Variants in TRPM3 observed in about 807,000 individuals in gnomAD.
TRPM3 encodes transient receptor potential cation channel subfamily M member 3.
Under a neutral mutation model 181.2 loss-of-function variants are expected in TRPM3, and 77 were observed. The ratio of observed to expected loss-of-function variants is 0.42; its 90% CI spans 0.35 to 0.51. The LOEUF (loss-of-function observed/expected upper bound fraction) is 0.51, where lower values mean the gene tolerates loss of function less well. Among genes scored for constraint, TRPM3 ranks in the 20% least tolerant of loss-of-function variants. The pLI, the probability that TRPM3 is intolerant of heterozygous loss-of-function variation, is 0.01. For missense variants in TRPM3, 1,759 were observed against 2,196.7 expected (o/e 0.80, Z 3.98); for synonymous variants, 745 against 796.4 (o/e 0.94, Z 1.09).
intron 1 of TRPM3, among the ~76,000 whole-genome samples, chr9:71,211,901 C>A (rs886084710): frequency 6.6e-6 from 1 of 152,136 alleles, no homozygotes; most frequent in Admixed American, 6.6e-5. Context: ...AGACACACTT[C>A]AACCCATAAC....
rs924158207 is a variant in TRPM3, at chr9:70,536,429, A to G, written c.4684T>C (p.Cys1562Arg). The G allele has an allele frequency of 1.9e-6, 3 of 1,614,092 alleles. No homozygotes were observed. The African/African-American group carries it at 4.0e-5, about 22-fold the overall frequency. ...KTAEYTSITD[C>R]IDTRCVNAPQ... ...GCATTGACACACCTTGTGTCAATAC[A>G]GTCTGTAATACTTGTGTATTCTGCT... The change falls in exon 26 of 26, where the codon TGT becomes CGT. Residue 1562 changes from cysteine to arginine, a missense_variant. Physicochemically the swap from Cys to Arg is radical, Grantham distance 180. Transcript: ENST00000677713.
At position 70,894,936 on chromosome 9, in the gene TRPM3, G is replaced by A. The variant is rs552296985; in HGVS notation, c.178-30425C>T. ...TAGAAAATGGGAAAAAAGTTTTGCC[G>A]TCAGACAACTTTGGCTTGAATGCTG... On this transcript the variant is annotated intron_variant, in intron 1 of 25. Transcript: ENST00000677713. Among the ~76,000 whole-genome samples the A allele has an allele frequency of 3.5e-4, 53 of 152,276 alleles. 1 individual carries two copies. The South Asian group carries it at 9.5e-3, about 27-fold the overall frequency.
intron 1 of TRPM3, among the ~76,000 whole-genome samples, chr9:71,096,559 T>TGC (rs2067240166): frequency 2.4e-5 from 1 of 42,372 alleles, no homozygotes; most frequent in African/African-American, 1.2e-4. Flanking sequence ...TGTGAGCGCA[T>TGC]GCACACACAC....
intron 1 of TRPM3, among the ~76,000 whole-genome samples, chr9:71,049,138 T>C (rs2059787047): frequency 6.6e-6 from 1 of 152,168 alleles, no homozygotes; most frequent in Non-Finnish European, 1.5e-5. Flanking sequence ...CTCTATCATC[T>C]TAGGTACAGT....
chr9:70,696,745 T>C (rs1202326053), intron 8 of TRPM3, among the ~76,000 whole-genome samples: 1 of 152,232 alleles, frequency 6.6e-6, no homozygotes, highest in East Asian at 1.9e-4. Flanking sequence ...TACGAGATTA[T>C]ATTTTAACAT....
intron 1 of TRPM3, among the ~76,000 whole-genome samples, chr9:71,233,903 G>C (rs2081214840): frequency 6.6e-6 from 1 of 152,158 alleles, no homozygotes; most frequent in East Asian, 1.9e-4. Context: ...AGAAGGACTG[G>C]AACTATTTTG....
intron 6 of TRPM3, among the ~76,000 whole-genome samples, chr9:70,812,707 C>A (rs1469549973): frequency 6.6e-6 from 1 of 152,168 alleles, no homozygotes; most frequent in Non-Finnish European, 1.5e-5. Context: ...CCAAGCACAA[C>A]ATTGGCTTAG....
intron 6 of TRPM3, among the ~76,000 whole-genome samples, chr9:70,817,530 C>T (rs1310342617): frequency 6.6e-6 from 1 of 152,172 alleles, no homozygotes; most frequent in Non-Finnish European, 1.5e-5. Context: ...GAACCTGTGT[C>T]CTAACTAAGG....
chr9:70,931,278 A>G (rs1241098155), intron 1 of TRPM3, among the ~76,000 whole-genome samples: 1 of 152,174 alleles, frequency 6.6e-6, no homozygotes, highest in East Asian at 1.9e-4. Flanking sequence ...AGAAAATGCA[A>G]GAGTAAATTT....
chr9:71,058,428 G>T (rs1281681610), intron 1 of TRPM3, among the ~76,000 whole-genome samples: 2 of 152,006 alleles, frequency 1.3e-5, no homozygotes, highest in African/African-American at 4.8e-5. Flanking sequence ...TAATCAAATG[G>T]ATACAGTGCT....
intron 1 of TRPM3, among the ~76,000 whole-genome samples, chr9:71,061,105 G>A (rs1347086253): frequency 2.0e-5 from 3 of 152,032 alleles, no homozygotes; most frequent in Non-Finnish European, 4.4e-5. Context: ...ACTCAGCCAG[G>A]TGCCGTGTAC....
intron 1 of TRPM3, among the ~76,000 whole-genome samples, chr9:71,295,291 A>G (rs1201585361): frequency 6.6e-6 from 1 of 152,162 alleles, no homozygotes; most frequent in Non-Finnish European, 1.5e-5. Flanking sequence ...TGTGAATAGA[A>G]ATTAAAAATT....
chr9:71,067,202 C>T (rs554919648), intron 1 of TRPM3, among the ~76,000 whole-genome samples: 37 of 150,946 alleles, frequency 2.5e-4, no homozygotes, highest in Non-Finnish European at 4.3e-4. Context: ...GTTCCTTACA[C>T]TGTGTATAGT....
intron 8 of TRPM3, among the ~76,000 whole-genome samples, chr9:70,696,359 C>T (rs111776445): frequency 3.7e-4 from 57 of 152,296 alleles, no homozygotes; most frequent in African/African-American, 1.1e-3. Flanking sequence ...ATCCGGAGAC[C>T]GATCAGGTTT....
chr9:70,853,672 A>G (rs117767094), intron 3 of TRPM3, among the ~76,000 whole-genome samples: 1,816 of 152,324 alleles, frequency 0.012, 24 homozygotes, highest in Non-Finnish European at 0.018. Flanking sequence ...ACACAAAGGA[A>G]CATTTGGTTA....
Position 70,827,994 on chromosome 9 carries a change from A to G in TRPM3, c.826T>C (p.Ser276Pro), listed in dbSNP as rs757819053. Residue 276 changes from serine to proline, a missense_variant, in exon 6 of 26, where the codon TCC (serine) becomes CCC (proline). Around this residue, in one of 8 missense-constraint regions of TRPM3, gnomAD observed 737 missense variants for 957.4 expected, o/e 0.77. Coordinates refer to ENST00000677713, the MANE Select transcript of TRPM3 (RefSeq NM_001366145.2). Reference protein sequence around the residue: ...RDVVRPYQTMSNPMSKLTVLN... With the variant: ...RDVVRPYQTMPNPMSKLTVLN... ...ACAGTGAGCTTGCTCATGGGATTGGACATGGTCTGGTATGGCCGGACAACC... is the reference window on the plus strand; with the variant it reads ...ACAGTGAGCTTGCTCATGGGATTGGGCATGGTCTGGTATGGCCGGACAACC... 1.2e-6 allele frequency: 2 copies of G among 1,613,928 alleles called. No individual in the cohort carries two copies. Among genetic ancestry groups the G allele is most frequent in the Non-Finnish European group, 1.7e-6 (2 of 1,179,872 alleles).
At chr9:71,008,250 G>A (rs1415213590) in intron 1 of TRPM3, among the ~76,000 whole-genome samples, 3 of 151,986 alleles carry the variant, frequency 2.0e-5, no homozygotes, top group East Asian at 1.9e-4. Context: ...GACCAATAAC[G>A]AGTAACAAGA....
intron 24 of TRPM3, among the ~76,000 whole-genome samples, chr9:70,550,162 C>T (rs10780947): frequency 0.24 from 35,832 of 152,136 alleles, 5,405 homozygotes; most frequent in East Asian, 0.53. Context: ...GCAGCAACCA[C>T]GAGGATCCAG....
chr9:70,556,794 CTT>C (rs2047824733), intron 22 of TRPM3, among the ~76,000 whole-genome samples: 1 of 152,156 alleles, frequency 6.6e-6, no homozygotes, highest in African/African-American at 2.4e-5. Flanking sequence ...TGTCCATAAA[CTT>C]TAGCTTCTTC....
Sources: gnomAD v4.1 joint callset for allele counts (sites outside exome capture counted in the v4.1 genomes callset) on GRCh38, gnomAD v4.1.1 for gene constraint, gnomAD v4.1.1 regional missense constraint, MANE v1.5 for transcripts, NCBI Gene and HGNC (gene_info 2026-07-23, HGNC 2026-07-21) for gene names.